KLF7: variants seen among roughly 807,000 people sequenced by gnomAD.
The protein encoded by KLF7 is KLF transcription factor 7.
In KLF7, 2 loss-of-function variants were observed where a neutral mutation model predicts 27.3. The observed-to-expected ratio is 0.07, with a 90% CI of 0.03 to 0.23. The LOEUF is 0.23. Ranked by LOEUF, KLF7 falls within the 10% of genes least tolerant of loss-of-function variation. KLF7 has a pLI of 1.00. For missense variants in KLF7, 221 were observed against 394.1 expected (o/e 0.56, Z 3.72); for synonymous variants, 165 against 162.4 (o/e 1.02, Z -0.12).
chr2:207,088,229 T>C (rs2076435134), intron 3 of KLF7, among the ~76,000 whole-genome samples: 2 of 152,198 alleles, frequency 1.3e-5, no homozygotes, highest in Non-Finnish European at 2.9e-5. Context: ...TCAAAGCTAG[T>C]GTTCTGTAAA....
intron 1 of KLF7, among the ~76,000 whole-genome samples, chr2:207,132,631 C>G (rs1439082682): frequency 1.3e-5 from 2 of 152,210 alleles, no homozygotes; most frequent in Non-Finnish European, 1.5e-5. Flanking sequence ...AAAGCAGCCT[C>G]AAATACCCCT....
intron 2 of KLF7, among the ~76,000 whole-genome samples, chr2:207,115,627 A>C (rs1384028544): frequency 6.6e-6 from 1 of 152,220 alleles, no homozygotes; most frequent in Admixed American, 6.5e-5. Context: ...CAAATTGTTG[A>C]AAGGAAGCCA....
At chr2:207,151,310 G>A (rs1319700816) in intron 1 of KLF7, among the ~76,000 whole-genome samples, 1 of 151,988 alleles carries the variant, frequency 6.6e-6, no homozygotes, top group Non-Finnish European at 1.5e-5. Context: ...TTGCAAGGAG[G>A]CTCACAATTC....
chr2:207,107,440 C>T (rs1287434429), intron 2 of KLF7, among the ~76,000 whole-genome samples: 2 of 152,166 alleles, frequency 1.3e-5, no homozygotes, highest in Non-Finnish European at 2.9e-5. Context: ...CAGCGGCATC[C>T]CTATCAATTT....
intron 1 of KLF7, among the ~76,000 whole-genome samples, chr2:207,154,502 T>C (rs1400672335): frequency 6.6e-6 from 1 of 152,156 alleles, no homozygotes; most frequent in Non-Finnish European, 1.5e-5. Context: ...TTAATGAAAG[T>C]TTCCCTTGTG....
intron 1 of KLF7, among the ~76,000 whole-genome samples, chr2:207,165,146 C>A (rs2078668850): frequency 6.6e-6 from 1 of 152,204 alleles, no homozygotes; most frequent in East Asian, 1.9e-4. Flanking sequence ...TCCCACCCGG[C>A]TCCTCCGAAC....
At chr2:207,097,028 G>GGGGA (rs2076647408) in intron 2 of KLF7, among the ~76,000 whole-genome samples, 1 of 152,192 alleles carries the variant, frequency 6.6e-6, no homozygotes, top group South Asian at 2.1e-4. Flanking sequence ...TGATTCACAA[G>GGGGA]GGGAGGGCCC....
At chr2:207,126,690 C>A (rs995211758) in intron 1 of KLF7, among the ~76,000 whole-genome samples, 10 of 152,114 alleles carry the variant, frequency 6.6e-5, no homozygotes, top group Admixed American at 1.3e-4. Flanking sequence ...GTTATCCCAG[C>A]TACTCTGATG....
Position 207,108,987 on chromosome 2 carries a change from C to T in KLF7, c.733+14787G>A, listed in dbSNP as rs116083876. Among the ~76,000 whole-genome samples, 584 of 152,280 alleles carry T rather than the reference C, an allele frequency of 3.8e-3. 3 individuals are homozygous for T. Among genetic ancestry groups the T allele is most frequent in the African/African-American group, 0.014 (562 of 41,558 alleles). On this transcript the variant is annotated intron_variant, in intron 2 of 3. Transcript: ENST00000309446. ...ATAGATTCCTTTGAATTCTTTAAGG[C>T]ATCTCCATTTGGGTTTTCCAGCTTA...
In KLF7 at chr2:207,124,239, C is replaced by T. The variant is rs2077417776; in HGVS notation, c.268G>A (p.Glu90Lys). The T allele has an allele frequency of 6.2e-7, 1 of 1,613,974 alleles. No homozygotes were observed. The highest frequency in any genetic ancestry group is 1.3e-5 in the African/African-American group (1 of 74,892). ...LLLPVEAAIC[E>K]KSSAVDILLS... ...AAGATGTCCACTGCCGAGCTCTTCT[C>T]ACAGATGGCCGCTTCCACGGGGAGC... Residue 90 changes from glutamate (E) to lysine (K), a missense_variant, in exon 2 of 4, where the codon GAG becomes AAG. By Grantham distance (56) the Glu-to-Lys change is moderately conservative (BLOSUM62 1). This residue lies in a region of KLF7 where 180 missense variants were observed against 227.9 expected (regional missense o/e 0.79). Transcript: ENST00000309446.
At chr2:207,090,181 G>T (rs563579543) in intron 2 of KLF7, among the ~76,000 whole-genome samples, 1 of 152,232 alleles carries the variant, frequency 6.6e-6, no homozygotes, top group Admixed American at 6.5e-5. Context: ...GGAACCAAGA[G>T]GACATGAAGG....
At chr2:207,170,231 A>T (rs916056769), upstream of KLF7, among the ~76,000 whole-genome samples, 8 of 152,224 alleles carry the variant, frequency 5.3e-5, no homozygotes, top group Admixed American at 2.0e-4. Context: ...GGAAGATCAA[A>T]CCAGCAACAA....
At chr2:207,103,632 A>G (rs2076816114) in intron 2 of KLF7, among the ~76,000 whole-genome samples, 1 of 152,200 alleles carries the variant, frequency 6.6e-6, no homozygotes, top group South Asian at 2.1e-4. Context: ...TTTACGGGAA[A>G]ACAGACACAC....
chr2:207,090,292 T>G (rs1242041303), intron 2 of KLF7, among the ~76,000 whole-genome samples: 1 of 152,208 alleles, frequency 6.6e-6, no homozygotes, highest in Non-Finnish European at 1.5e-5. Flanking sequence ...CTGGCTCCTT[T>G]AAGCCAAAAG....
rs2078680894 is a variant in KLF7, at chr2:207,165,455, T to TA, written c.102+11dup. On this transcript the variant is annotated intron_variant, in intron 1 of 3. Transcript: ENST00000309446. ...CACCACACGATTTACACAAGTAATTTAAATCATTCACCTGCTGCCAGGTCT... is the reference window on the plus strand; with the variant it reads ...CACCACACGATTTACACAAGTAATTTAAAATCATTCACCTGCTGCCAGGTCT... 2 of 1,614,048 alleles carry TA rather than the reference T, an allele frequency of 1.2e-6. No homozygotes were observed. The highest frequency in any genetic ancestry group is 1.7e-6 in the Non-Finnish European group (2 of 1,179,994).
chr2:207,132,159 AT>A (rs1033727999), intron 1 of KLF7, among the ~76,000 whole-genome samples: 12 of 151,916 alleles, frequency 7.9e-5, no homozygotes, highest in Non-Finnish European at 1.3e-4. Flanking sequence ...ATCTTACTGC[AT>A]TTTTTTTAAG....
intron 1 of KLF7, among the ~76,000 whole-genome samples, chr2:207,163,269 A>G (rs903459194): frequency 1.3e-5 from 2 of 152,248 alleles, no homozygotes; most frequent in South Asian, 2.1e-4. Flanking sequence ...ATGACGCTGA[A>G]TAAGTTGGCT....
intron 2 of KLF7, among the ~76,000 whole-genome samples, chr2:207,098,216 C>G (rs1307503833): frequency 6.6e-6 from 1 of 152,004 alleles, no homozygotes; most frequent in Non-Finnish European, 1.5e-5. Flanking sequence ...TTTTTATCAG[C>G]TTTTTTGGAG....
intron 2 of KLF7, among the ~76,000 whole-genome samples, chr2:207,123,129 C>T (rs973579766): frequency 6.6e-6 from 1 of 152,110 alleles, no homozygotes; most frequent in African/African-American, 2.4e-5. Flanking sequence ...CATCCCTCCC[C>T]CACCCGCTCT....
Sources: gnomAD v4.1 joint callset for allele counts (sites outside exome capture counted in the v4.1 genomes callset) on GRCh38, gnomAD v4.1.1 for gene constraint, gnomAD v4.1.1 regional missense constraint, MANE v1.5 for transcripts, NCBI Gene and HGNC (gene_info 2026-07-23, HGNC 2026-07-21) for gene names.